Variants in DNAJB6 observed in about 807,000 individuals in gnomAD.
The protein encoded by DNAJB6 is dnaJ homolog subfamily B member 6.
DNAJB6 carries 16 observed loss-of-function variants against 42.7 expected under a neutral mutation model. The observed-to-expected ratio is 0.37, with a 90% CI of 0.25 to 0.57. The LOEUF is 0.57. Among genes scored for constraint, DNAJB6 ranks in the 20% least tolerant of loss-of-function variants. The pLI is 0.74. For synonymous variants in DNAJB6, 170 were observed against 163.5 expected (o/e 1.04, Z -0.30); for missense variants, 347 against 416.8 (o/e 0.83, Z 1.46).
At chr7:157,355,961 C>T (rs1030572283) in intron 1 of DNAJB6, among the ~76,000 whole-genome samples, 4 of 152,236 alleles carry the variant, frequency 2.6e-5, no homozygotes, top group African/African-American at 7.2e-5. Flanking sequence ...CTCACTGCCT[C>T]GGGAGGTGTC....
chr7:157,402,883 A>T (rs1179745780), intron 8 of DNAJB6, among the ~76,000 whole-genome samples: 2 of 152,208 alleles, frequency 1.3e-5, no homozygotes, highest in Non-Finnish European at 2.9e-5. Flanking sequence ...TTTCTCCATC[A>T]GCCTTCTGGT....
chr7:157,376,872 T>TC (rs1257096170), intron 5 of DNAJB6, among the ~76,000 whole-genome samples: 1 of 152,114 alleles, frequency 6.6e-6, no homozygotes, highest in Admixed American at 6.5e-5. Context: ...AGAGCAAGAC[T>TC]CCGTCTTGGG....
At chr7:157,378,412 C>T (rs549306114) in intron 5 of DNAJB6, 1 of 152,222 alleles carries the variant, frequency 6.6e-6, no homozygotes, top group Non-Finnish European at 1.5e-5. Context: ...GAGGTCTTGC[C>T]CCTCCACCCC....
intron 8 of DNAJB6, among the ~76,000 whole-genome samples, chr7:157,387,540 A>G (rs1237988929): frequency 6.6e-6 from 1 of 152,254 alleles, no homozygotes; most frequent in African/African-American, 2.4e-5. Context: ...GGGATGAGTC[A>G]GTGCAGCAGC....
chr7:157,386,784 T>A (rs545612976), intron 8 of DNAJB6, among the ~76,000 whole-genome samples: 99 of 151,758 alleles, frequency 6.5e-4, no homozygotes, highest in Middle Eastern at 3.4e-3. Flanking sequence ...CTCTGGAGGC[T>A]GAGGCAGAAG....
chr7:157,382,160 C>A, intron 5 of DNAJB6, 86 bp from the exon 6 acceptor site: 1 of 1,417,996 alleles, frequency 7.1e-7, no homozygotes, highest in Non-Finnish European at 9.4e-7. Flanking sequence ...ATGTTACAAA[C>A]ATCTATTTTC....
At chr7:157,354,700 T>A (rs999995671) in intron 1 of DNAJB6, among the ~76,000 whole-genome samples, 38 of 152,124 alleles carry the variant, frequency 2.5e-4, no homozygotes, top group Admixed American at 2.4e-3. Flanking sequence ...AATTAGAGGC[T>A]GCTGTAGGTC....
chr7:157,351,577 GA>G (rs201221074), intron 1 of DNAJB6, among the ~76,000 whole-genome samples: 2,306 of 151,886 alleles, frequency 0.015, 54 homozygotes, highest in East Asian at 0.06. Context: ...AGTTTGCAGT[GA>G]GCTGAGATTG....
In DNAJB6 at chr7:157,386,294, G is replaced by A. The variant is rs1801054257; in HGVS notation, c.691+683G>A. 5 of 984,956 alleles carry A rather than the reference G, an allele frequency of 5.1e-6. No individual in the cohort carries two copies. The South Asian group carries it at 1.9e-4, about 37-fold the overall frequency. The allele number at this position is 984,956 out of a possible 1,614,324, so 61.0% of individuals were successfully genotyped here. On this transcript the variant is annotated intron_variant, in intron 8 of 9. Coordinates refer to ENST00000262177, the MANE Select transcript of DNAJB6 (RefSeq NM_058246.4). ...AAAAAAAGAAAATAAATGCGAATGTGTTGGTGCATTCTTCCTGAGTGGGAT... is the reference window on the plus strand; with the variant it reads ...AAAAAAAGAAAATAAATGCGAATGTATTGGTGCATTCTTCCTGAGTGGGAT...
intron 5 of DNAJB6, among the ~76,000 whole-genome samples, chr7:157,374,953 C>T (rs974470158): frequency 1.2e-4 from 18 of 152,184 alleles, no homozygotes; most frequent in African/African-American, 4.1e-4. Flanking sequence ...TGGGTTTTCG[C>T]ATCATCTGTT....
intron 8 of DNAJB6, among the ~76,000 whole-genome samples, chr7:157,390,073 C>T (rs917187580): frequency 2.0e-5 from 3 of 152,242 alleles, no homozygotes; most frequent in African/African-American, 7.2e-5. Context: ...GCTGCTGTGT[C>T]CTGGCAGGTG....
chr7:157,342,482 C>T (rs1029220989), intron 1 of DNAJB6, among the ~76,000 whole-genome samples: 1 of 151,972 alleles, frequency 6.6e-6, no homozygotes, highest in Admixed American at 6.6e-5. Flanking sequence ...GGATTACAGG[C>T]ATGCACCACG....
At chr7:157,379,805 C>CT (rs57417414) in intron 5 of DNAJB6, 4,602 of 120,354 alleles carry the variant, frequency 0.038, 112 homozygotes, top group African/African-American at 0.057. Context: ...GCAGAAATGC[C>CT]TTTTTTTTTT....
At chr7:157,351,473 CA>C (rs964106238) in intron 1 of DNAJB6, among the ~76,000 whole-genome samples, 9 of 146,872 alleles carry the variant, frequency 6.1e-5, no homozygotes, top group African/African-American at 1.5e-4. Context: ...ACTAAAAATA[CA>C]AAAAAAAAAT....
chr7:157,382,214 A>ACTTCATAGTG lies in DNAJB6; in HGVS notation c.347-31_347-22dup, dbSNP rs772308715. The ACTTCATAGTG allele has an allele frequency of 3.9e-6, 6 of 1,546,502 alleles. No homozygotes were observed. In the African/African-American group the frequency reaches 7.0e-5, roughly 18 times the overall value. On this transcript the variant is annotated intron_variant, in intron 5 of 9. Coordinates refer to ENST00000262177, the MANE Select transcript of DNAJB6 (RefSeq NM_058246.4). ...ATGAGGAAAAAAACTTGAAAAAAAG[A>ACTTCATAGTG]CTTCATAGTGTGTGTTTATGTTTGA...
At chr7:157,372,504 C>T (rs926299250) in intron 5 of DNAJB6, among the ~76,000 whole-genome samples, 3 of 152,154 alleles carry the variant, frequency 2.0e-5, no homozygotes, top group East Asian at 3.9e-4. Flanking sequence ...AGGAGCTGCC[C>T]GAGTGGGACT....
At chr7:157,403,132 G>A (rs1204375443) in intron 8 of DNAJB6, among the ~76,000 whole-genome samples, 4 of 152,192 alleles carry the variant, frequency 2.6e-5, no homozygotes, top group African/African-American at 7.2e-5. Context: ...GGGGGCTTCC[G>A]GGTCATAGGT....
chr7:157,385,066 G>A, intron 7 of DNAJB6, 58 bp downstream of exon 7: 1 of 1,557,292 alleles, frequency 6.4e-7, no homozygotes, highest in Non-Finnish European at 8.8e-7. Context: ...TTTCACTGGT[G>A]CCATGTTGCA....
chr7:157,401,695 A>G (rs552763083), intron 8 of DNAJB6, among the ~76,000 whole-genome samples: 130 of 152,308 alleles, frequency 8.5e-4, no homozygotes, highest in African/African-American at 2.9e-3. Flanking sequence ...AGGTGGGTGG[A>G]ACTAAGGGGA....
Sources: allele counts gnomAD v4.1 joint callset (sites outside exome capture counted in the v4.1 genomes callset), GRCh38; gene constraint gnomAD v4.1.1; transcripts MANE v1.5; gene names NCBI Gene and HGNC (gene_info 2026-07-23, HGNC 2026-07-21).